Variants in EXOC3 observed in about 807,000 individuals in gnomAD.
EXOC3 encodes the protein exocyst complex component 3, also known as SEC6-like 1.
Under a neutral mutation model 73.7 loss-of-function variants are expected in EXOC3, and 21 were observed. That is an observed-to-expected ratio of 0.29 (90% CI 0.20 to 0.41). The LOEUF is 0.41. EXOC3 is among the 10% of genes least tolerant of loss of function. The pLI is 1.00. For synonymous variants in EXOC3, 410 were observed against 389.1 expected (o/e 1.05, Z -0.63); for missense variants, 842 against 985.1 (o/e 0.85, Z 1.95).
intron 8 of EXOC3, 23 bp from the exon 9 acceptor site, chr5:462,134 G>A (rs1489511665): frequency 6.2e-7 from 1 of 1,613,194 alleles, no homozygotes; most frequent in East Asian, 2.2e-5. Context: ...CCGCTGTGTT[G>A]AACCTGAACC....
At chr5:450,639 G>A (rs1044249081) in intron 3 of EXOC3, among the ~76,000 whole-genome samples, 2 of 152,238 alleles carry the variant, frequency 1.3e-5, no homozygotes, top group South Asian at 2.1e-4. Flanking sequence ...TGAAGCCTCC[G>A]ACTATTACAG....
At chr5:456,601 G>A (rs755792264) in intron 4 of EXOC3, among the ~76,000 whole-genome samples, 11 of 152,208 alleles carry the variant, frequency 7.2e-5, no homozygotes, top group Non-Finnish European at 1.6e-4. Flanking sequence ...AAGTGGTCTC[G>A]GAGCCAGTGG....
At chr5:465,634 A>G (rs1738124468) in intron 11 of EXOC3, 84 bp from the exon 12 acceptor site, 2 of 1,553,054 alleles carry the variant, frequency 1.3e-6, no homozygotes, top group African/African-American at 1.4e-5. Flanking sequence ...GTTCCCAGTC[A>G]GGAAGGGGCT....
intron 4 of EXOC3, among the ~76,000 whole-genome samples, chr5:454,927 G>A (rs1197734624): frequency 7.5e-6 from 1 of 133,804 alleles, no homozygotes; most frequent in Non-Finnish European, 1.5e-5. Flanking sequence ...TTGTTTACTG[G>A]TATCTGCTTA....
intron 4 of EXOC3, among the ~76,000 whole-genome samples, chr5:456,020 T>C (rs1367844827): frequency 6.6e-6 from 1 of 152,260 alleles, no homozygotes; most frequent in Non-Finnish European, 1.5e-5. Context: ...ATCAGTAATG[T>C]CCTGTATTGT....
chr5:446,172 T>C lies in EXOC3; in HGVS notation c.-34T>C. 6.2e-7 allele frequency: 1 copy of C among 1,613,620 alleles called. No homozygotes were observed. Among genetic ancestry groups the C allele is most frequent in the Non-Finnish European group, 8.5e-7 (1 of 1,179,692 alleles). ...CAGTGCACAGAGAACACCCCTAGCA[T>C]GAACAGTGTGAGGATTCCACCAGCT... On this transcript the variant is annotated 5_prime_UTR_variant, in exon 2 of 13. An upstream start codon of the reference 5' UTR is lost. Coordinates refer to ENST00000512944, the MANE Select transcript of EXOC3 (RefSeq NM_007277.5).
chr5:467,064 G>A lies in EXOC3; in HGVS notation c.*166G>A. 7.3e-6 allele frequency: 5 copies of A among 683,836 alleles called. No homozygotes were observed. The highest frequency in any genetic ancestry group is 1.2e-5 in the Non-Finnish European group (5 of 411,754). 42.4% of individuals were successfully genotyped at this position (683,836 alleles called of 1,614,324 possible). ...GGTGTGCGTCGAGTGAGCGTCCCGA[G>A]GCCACGTGCGGAGGCCCCTCACTGT... is the stretch of plus-strand genomic sequence containing the variant. On this transcript the variant is annotated 3_prime_UTR_variant, in exon 13 of 13. Coordinates refer to ENST00000512944, the MANE Select transcript of EXOC3 (RefSeq NM_007277.5).
chr5:464,851 C>G (rs1382650516), intron 10 of EXOC3: 1 of 544,748 alleles, frequency 1.8e-6, no homozygotes, highest in African/African-American at 1.9e-5. Context: ...ACCGAGTGCT[C>G]ATGCGCGGCA....
chr5:464,468 C>A (rs761081586), intron 10 of EXOC3, 56 bp downstream of exon 10: 1 of 1,586,334 alleles, frequency 6.3e-7, no homozygotes, highest in African/African-American at 1.3e-5. Context: ...TCACCTCTCA[C>A]CCTGCTCAGA....
At chr5:465,339 C>T (rs1284934747) in intron 11 of EXOC3, 67 bp downstream of exon 11, 8 of 1,505,530 alleles carry the variant, frequency 5.3e-6, no homozygotes, top group Admixed American at 2.0e-5. Flanking sequence ...GCCTCCACCC[C>T]GGGACTCGGG....
rs769432985 is a variant in EXOC3, at chr5:465,135, C to T, written c.1801C>T (p.Arg601Cys). 14 of 1,590,442 alleles carry T rather than the reference C, an allele frequency of 8.8e-6. No individual in the cohort carries two copies. The highest frequency in any genetic ancestry group is 2.7e-5 in the African/African-American group (2 of 74,610). The change falls in exon 11 of 13, where the codon CGC becomes TGC. Residue 601 changes from arginine to cysteine, a missense_variant. By Grantham distance (180) the Arg-to-Cys change is radical. Transcript: ENST00000512944. ...GAGGATGACGGCCGAGGCGCACCGG[C>T]GCGTGGTGGTGGAGTACCTGCGGGC... ...KKRMTAEAHR[R>C]VVVEYLRAVM...
intron 1 of EXOC3, among the ~76,000 whole-genome samples, chr5:444,522 T>C (rs1006235740): frequency 3.3e-5 from 5 of 152,212 alleles, no homozygotes; most frequent in African/African-American, 1.2e-4. Context: ...ATCAAAATCA[T>C]ACAGGCTTTA....
chr5:443,529 CAT>C (rs1211011873), intron 1 of EXOC3, among the ~76,000 whole-genome samples: 2 of 151,350 alleles, frequency 1.3e-5, no homozygotes, highest in African/African-American at 4.9e-5. Context: ...CCCCTTGGCA[CAT>C]GTGTCCCCAC....
intron 4 of EXOC3, among the ~76,000 whole-genome samples, chr5:455,287 G>GT (rs746639523): frequency 7.9e-5 from 12 of 152,240 alleles, no homozygotes; most frequent in Non-Finnish European, 1.3e-4. Flanking sequence ...CTGTGCATGT[G>GT]TGCACCTTGC....
At chr5:454,613 G>A (rs1330793466) in intron 4 of EXOC3, among the ~76,000 whole-genome samples, 1 of 152,186 alleles carries the variant, frequency 6.6e-6, no homozygotes, top group Non-Finnish European at 1.5e-5. Context: ...ATCCTAGTAC[G>A]AGGTTTTGTC....
chr5:454,814 C>CT (rs1249523783), intron 4 of EXOC3, among the ~76,000 whole-genome samples: 2 of 141,764 alleles, frequency 1.4e-5, no homozygotes, highest in African/African-American at 5.3e-5. Context: ...TCTTCTTCTT[C>CT]TTTTTTTTCT....
chr5:447,790 G>A (rs543971748), intron 3 of EXOC3, 38 bp downstream of exon 3: 30 of 1,418,764 alleles, frequency 2.1e-5, no homozygotes, highest in Middle Eastern at 4.0e-4. Context: ...CCCCACTCAC[G>A]CTGTCTTTGC....
rs1470760218 is a variant in EXOC3 at position 462,089 on chromosome 5, T to C, written c.1502+19T>C. On this transcript the variant is annotated intron_variant, in intron 8 of 12. Coordinates refer to ENST00000512944, the MANE Select transcript of EXOC3 (RefSeq NM_007277.5). ...CCTTCAAGTGAGTGTGGCCGGGCGC[T>C]GTGGCGGGGGAGCGGTGGAGGCCGG... 6.2e-7 allele frequency: 1 copy of C among 1,608,974 alleles called. No individual in the cohort carries two copies.
At chr5:464,447 G>A (rs756347705) in intron 10 of EXOC3, 35 bp downstream of exon 10, 1 of 1,608,096 alleles carries the variant, frequency 6.2e-7, no homozygotes, top group Non-Finnish European at 8.5e-7. Flanking sequence ...TCATCACCTT[G>A]ACGCTAGGGC....
Sources: allele counts gnomAD v4.1 joint callset (sites outside exome capture counted in the v4.1 genomes callset), GRCh38; gene constraint gnomAD v4.1.1; transcripts MANE v1.5; gene names NCBI Gene and HGNC (gene_info 2026-07-23, HGNC 2026-07-21).